Variants in TANK observed in about 807,000 individuals in gnomAD.
TANK encodes the protein TRAF family member-associated NF-kappa-B activator.
TANK carries 15 observed loss-of-function variants against 43.6 expected under a neutral mutation model. That is an observed-to-expected ratio of 0.34 (90% CI 0.23 to 0.53). The LOEUF (loss-of-function observed/expected upper bound fraction) is 0.53, where lower values mean the gene tolerates loss of function less well. TANK is among the 20% of genes least tolerant of loss of function. The pLI is 0.94. For missense variants in TANK, 417 were observed against 498.6 expected, an observed-to-expected ratio of 0.84 and a Z score of 1.56; for synonymous variants, 162 against 178.2, an observed-to-expected ratio of 0.91 and a Z score of 0.73.
intron 1 of TANK, among the ~76,000 whole-genome samples, chr2:161,173,376 A>G (rs780863065): frequency 6.6e-6 from 1 of 152,142 alleles, no homozygotes; most frequent in Non-Finnish European, 1.5e-5. Context: ...TTGCCCACTC[A>G]TTCTCTACTT....
intron 4 of TANK, chr2:161,207,636 A>C (rs2105351992): frequency 1.0e-6 from 1 of 985,462 alleles, no homozygotes; most frequent in Middle Eastern, 5.2e-4. Flanking sequence ...TAGAAAAAAT[A>C]CTGGCCCATC....
intron 7 of TANK, among the ~76,000 whole-genome samples, chr2:161,233,053 CAAGCTAGTATAAGTACA>C (rs1456080690): frequency 7.9e-5 from 12 of 152,108 alleles, no homozygotes; most frequent in Admixed American, 2.6e-4. Flanking sequence ...TAGTATTATG[CAAGCTAGTATAAGTACA>C]AAGCTAGTAT....
At chr2:161,216,352 A>AT in intron 4 of TANK, 1 of 461,450 alleles carries the variant, frequency 2.2e-6, no homozygotes, top group South Asian at 1.6e-5. Flanking sequence ...CTAATTGAAC[A>AT]TTCTCTCCTG....
Position 161,207,402 on chromosome 2 carries a change from C to A in TANK, c.327+2609C>A, listed in dbSNP as rs370413493. ...CCACATTTTTATACTTTGAATAGTT[C>A]ATCAACTCAATTTTCTTTGTAACCA... is the stretch of plus-strand genomic sequence containing the variant. On this transcript the variant is annotated intron_variant, in intron 4 of 7. Coordinates refer to ENST00000392749, the MANE Select transcript of TANK (RefSeq NM_001199135.3). The A allele has an allele frequency of 1.6e-5, 16 of 975,190 alleles. 1 individual carries two copies. Among genetic ancestry groups the A allele is most frequent in the East Asian group, 1.1e-4 (1 of 8,796 alleles). 60.4% of individuals were successfully genotyped at this position (975,190 alleles called of 1,614,324 possible).
chr2:161,228,642 G>A (rs1236715652), intron 6 of TANK, among the ~76,000 whole-genome samples: 1 of 152,020 alleles, frequency 6.6e-6, no homozygotes, highest in Non-Finnish European at 1.5e-5. Flanking sequence ...AGTGTATAGT[G>A]TTCATAAAGT....
At chr2:161,194,089 T>G (rs918798201) in intron 2 of TANK, among the ~76,000 whole-genome samples, 4 of 152,164 alleles carry the variant, frequency 2.6e-5, no homozygotes, top group African/African-American at 4.8e-5. Context: ...TTCTATTGCT[T>G]CTTTGACCAT....
intron 7 of TANK, among the ~76,000 whole-genome samples, chr2:161,234,376 A>G (rs1688070097): frequency 1.3e-5 from 2 of 152,354 alleles, no homozygotes; most frequent in East Asian, 3.9e-4. Context: ...ATCAGAATTT[A>G]GCTGTGTCAG....
rs544723039 is a variant in TANK at position 161,147,583 on chromosome 2, T to C, written c.-50+10520T>C. On this transcript the variant is annotated intron_variant, in intron 1 of 7. Coordinates refer to the TANK transcript ENST00000259075. ...TGGGGGCTTCCCTGCCCCATGTGGC[T>C]CTCAGGTGGGCCACCGCACCATAAT... Among the ~76,000 whole-genome samples the C allele has an allele frequency of 4.6e-5, 7 of 152,286 alleles. No individual in the cohort carries two copies. The East Asian group carries it at 1.4e-3, about 29-fold the overall frequency.
intron 4 of TANK, chr2:161,222,680 A>G (rs1687408341): frequency 6.6e-6 from 1 of 152,134 alleles, no homozygotes. Context: ...GTTTTAATCC[A>G]GAAGAATATA....
chr2:161,201,007 C>T (rs902192943), intron 2 of TANK: 20 of 654,504 alleles, frequency 3.1e-5, no homozygotes, highest in African/African-American at 3.9e-5. Flanking sequence ...ATACTCTCTA[C>T]CCTTGAGGAG....
At chr2:161,211,031 A>G (rs1438162856) in intron 4 of TANK, among the ~76,000 whole-genome samples, 1 of 152,234 alleles carries the variant, frequency 6.6e-6, no homozygotes, top group Non-Finnish European at 1.5e-5. Flanking sequence ...GAGCCATTTC[A>G]TTTACCATAA....
At chr2:161,224,136 T>G in intron 5 of TANK, 145 bp downstream of exon 5, 2 of 549,196 alleles carry the variant, frequency 3.6e-6, no homozygotes, top group Non-Finnish European at 3.2e-6. Context: ...ATCCTACATG[T>G]TAAAGATGAC....
chr2:161,213,329 G>A (rs545065835), intron 4 of TANK, among the ~76,000 whole-genome samples: 11 of 152,124 alleles, frequency 7.2e-5, no homozygotes, highest in African/African-American at 1.4e-4. Flanking sequence ...CTGGCTGGGC[G>A]CAGTGGCTCA....
chr2:161,168,273 G>A (rs1684782719), intron 1 of TANK, among the ~76,000 whole-genome samples: 1 of 152,132 alleles, frequency 6.6e-6, no homozygotes, highest in Non-Finnish European at 1.5e-5. Flanking sequence ...ATTTTAAAAG[G>A]AGTGGCAGAA....
chr2:161,149,662 T>A (rs1025186428), intron 1 of TANK, among the ~76,000 whole-genome samples: 1 of 152,160 alleles, frequency 6.6e-6, no homozygotes, highest in African/African-American at 2.4e-5. Flanking sequence ...AGTTCCCTTC[T>A]AATCCTAGTT....
rs1374283416 is a variant in TANK at position 161,231,698 on chromosome 2, A to G, written c.1101+147A>G. 17 of 716,520 alleles carry G rather than the reference A, an allele frequency of 2.4e-5. 1 individual carries two copies. In the Admixed American group the frequency reaches 3.2e-4, roughly 13 times the overall value. The allele number at this position is 716,520 out of a possible 1,614,324, so 44.4% of individuals were successfully genotyped here. On this transcript the variant is annotated intron_variant, in intron 7 of 7. Transcript: ENST00000392749. ...TAAGGCTTTCAAAAAAACAAGTCCC[A>G]TAATAAATGACATGAAATTAGAAAA...
intron 2 of TANK, among the ~76,000 whole-genome samples, chr2:161,194,863 C>T (rs1686075007): frequency 1.3e-5 from 2 of 151,778 alleles, no homozygotes; most frequent in Admixed American, 6.6e-5. Flanking sequence ...TTTTTTTCCC[C>T]CAACAACATA....
chr2:161,181,287 G>A (rs1329112261), intron 2 of TANK, among the ~76,000 whole-genome samples: 1 of 152,164 alleles, frequency 6.6e-6, no homozygotes, highest in Non-Finnish European at 1.5e-5. Flanking sequence ...AGGCATGGTG[G>A]CACATGCCTT....
intron 4 of TANK, among the ~76,000 whole-genome samples, chr2:161,222,256 T>C (rs1350170437): frequency 2.0e-5 from 3 of 152,086 alleles, no homozygotes; most frequent in East Asian, 3.9e-4. Flanking sequence ...TTTTTTTGTT[T>C]TGTTTTTTGT....
Sources: gnomAD v4.1 joint callset for allele counts (sites outside exome capture counted in the v4.1 genomes callset) on GRCh38, gnomAD v4.1.1 for gene constraint, MANE v1.5 for transcripts, NCBI Gene and HGNC (gene_info 2026-07-23, HGNC 2026-07-21) for gene names.